The following EML2 variants were observed in gnomAD, a reference collection of about 807,000 sequenced individuals.
EML2 encodes EMAP like 2.
In EML2, 59 loss-of-function variants were observed where a neutral mutation model predicts 84.7. That is an observed-to-expected ratio of 0.70 (90% CI 0.56 to 0.86). The LOEUF (loss-of-function observed/expected upper bound fraction) is 0.86, where lower values mean the gene tolerates loss of function less well. Ranked by LOEUF, EML2 falls within the 40% of genes least tolerant of loss-of-function variation. The pLI, the probability that EML2 is intolerant of heterozygous loss-of-function variation, is 0.00. For missense variants in EML2, 818 were observed against 855.6 expected (o/e 0.96, Z 0.55); for synonymous variants, 352 against 348.9 (o/e 1.01, Z -0.10).
upstream of EML2, chr19:45,639,542 G>A (rs1974206155): frequency 5.2e-6 from 3 of 580,400 alleles, no homozygotes; most frequent in South Asian, 1.8e-4. Context: ...GTGGACTCCC[G>A]ATCCCAGGTT....
upstream of EML2, chr19:45,643,611 C>T (rs547152899): frequency 9.1e-6 from 14 of 1,536,134 alleles, no homozygotes; most frequent in South Asian, 1.7e-4. Flanking sequence ...CCAAGGAAGC[C>T]CTGGTTCCCA....
chr19:45,632,634 C>T (rs1973189412), intron 6 of EML2: 1 of 533,654 alleles, frequency 1.9e-6, no homozygotes, highest in South Asian at 2.1e-5. Flanking sequence ...GGGCAAGGAC[C>T]AGCTGGGCCC....
At chr19:45,621,161 G>A (rs751912324) in intron 11 of EML2, 46 bp downstream of exon 11, 1 of 1,602,106 alleles carries the variant, frequency 6.2e-7, no homozygotes, top group Non-Finnish European at 8.5e-7. Flanking sequence ...GGAAGGCCAG[G>A]GAAAGAGCTG....
rs1415828776 is a variant in EML2 at position 45,613,549 on chromosome 19, G to T, written c.1816C>A (p.Gln606Lys). 1.9e-6 allele frequency: 3 copies of T among 1,613,996 alleles called. No individual in the cohort carries two copies. Among genetic ancestry groups the T allele is most frequent in the Non-Finnish European group, 2.5e-6 (3 of 1,179,962 alleles). Reference sequence around the variant, plus strand: ...CTCCCCAAGGGACTCACTCGAGGCTGACAGCAGGGGTAGCTAAACAGGTGA... The same window carrying T: ...CTCCCCAAGGGACTCACTCGAGGCTTACAGCAGGGGTAGCTAAACAGGTGA... Reference protein sequence around the residue: ...KVHLFSYPCCQPRALSHKYGG... With the variant: ...KVHLFSYPCCKPRALSHKYGG... Residue 606 changes from glutamine to lysine, a missense_variant, in exon 18 of 19, where the codon CAG (glutamine) becomes AAG (lysine). Physicochemically the swap from Gln to Lys is moderately conservative, Grantham distance 53. Transcript: ENST00000245925.
At chr19:45,625,569 C>T (rs904602356) in intron 8 of EML2, among the ~76,000 whole-genome samples, 4 of 152,096 alleles carry the variant, frequency 2.6e-5, no homozygotes, top group Admixed American at 6.6e-5. Flanking sequence ...CCCCTCCTGT[C>T]GGCGCCTCAT....
chr19:45,634,518 G>A (rs749051449), intron 3 of EML2, 47 bp from the exon 4 acceptor site: 2 of 1,363,858 alleles, frequency 1.5e-6, no homozygotes, highest in Admixed American at 6.1e-5. Context: ...TGTTGTTGTT[G>A]TTTGTTTGTT....
chr19:45,644,815 A>C, upstream of EML2: 2 of 456,186 alleles, frequency 4.4e-6, no homozygotes, highest in Non-Finnish European at 8.8e-6. Context: ...TTTGGGAGGT[A>C]TCCTAGAAGC....
chr19:45,628,092 C>T (rs1270996816), intron 7 of EML2, among the ~76,000 whole-genome samples: 1 of 148,980 alleles, frequency 6.7e-6, no homozygotes, highest in Non-Finnish European at 1.5e-5. Flanking sequence ...TCAGAGAGGG[C>T]CGGGTGTAGT....
upstream of EML2, chr19:45,642,404 C>T (rs1974623049): frequency 4.0e-6 from 6 of 1,507,966 alleles, no homozygotes; most frequent in Non-Finnish European, 5.3e-6. Flanking sequence ...CTCCAGTGCC[C>T]AAGGGGTCCC....
At position 45,634,355 on chromosome 19, in the gene EML2, C is replaced by G; in HGVS notation, c.296G>C (p.Arg99Pro). The change falls in exon 4 of 19, where the codon CGA becomes CCA. Residue 99 changes from arginine (R) to proline (P), a missense_variant. Arg to Pro is a moderately radical substitution (Grantham distance 103). Coordinates refer to ENST00000245925, the MANE Select transcript of EML2 (RefSeq NM_012155.4). Reference protein sequence around the residue: ...VLYSVEEQRQRHYLGHNDDIK... With the variant: ...VLYSVEEQRQPHYLGHNDDIK... ...GTCATCGTTGTGTCCCAGGTAGTGT[C>G]GCTGCCTCTGCTCCTCCACGCTGTA... 6.2e-7 allele frequency: 1 copy of G among 1,613,898 alleles called. No individual in the cohort carries two copies.
At chr19:45,623,365 C>G (rs1239033061) in intron 9 of EML2, 1 of 151,414 alleles carries the variant, frequency 6.6e-6, no homozygotes, top group Non-Finnish European at 1.5e-5. Flanking sequence ...GAGACCTCAT[C>G]TCTACAACAA....
upstream of EML2, chr19:45,643,784 C>T (rs368028910): frequency 1.4e-6 from 2 of 1,474,504 alleles, no homozygotes; most frequent in African/African-American, 2.8e-5. Context: ...CGAGGCTTGC[C>T]CGCCCTGCCC....
chr19:45,643,798 A>G, upstream of EML2: 2 of 1,458,010 alleles, frequency 1.4e-6, no homozygotes, highest in Non-Finnish European at 1.8e-6. Context: ...CCTGCCCCCC[A>G]CTCAGCGCCT....
upstream of EML2, chr19:45,641,519 C>G: frequency 1.0e-6 from 1 of 974,908 alleles, no homozygotes; most frequent in Non-Finnish European, 1.5e-6. Context: ...CTGGCACCGT[C>G]CCCGCTTTTG....
intron 9 of EML2, among the ~76,000 whole-genome samples, 195 bp downstream of exon 9, chr19:45,624,524 C>T (rs1020502306): frequency 6.6e-6 from 1 of 152,046 alleles, no homozygotes; most frequent in Non-Finnish European, 1.5e-5. Context: ...CAAGGGATTT[C>T]CAGAGGGCAA....
At chr19:45,641,538 G>C, upstream of EML2, 2 of 1,147,504 alleles carry the variant, frequency 1.7e-6, no homozygotes, top group Non-Finnish European at 2.5e-6. Context: ...TGAACTAGCT[G>C]GCCCCACTCT....
upstream of EML2, chr19:45,642,473 TG>T (rs1974638508): frequency 6.9e-7 from 1 of 1,442,956 alleles, no homozygotes; most frequent in African/African-American, 1.4e-5. Context: ...TCCCGCTACC[TG>T]GGGCTGGGAC....
chr19:45,643,150 C>G (rs190275317), upstream of EML2, among the ~76,000 whole-genome samples: 46 of 152,340 alleles, frequency 3.0e-4, no homozygotes, highest in African/African-American at 1.1e-3. Flanking sequence ...GACGAAGATT[C>G]TGTTATGAAT....
In EML2 at chr19:45,621,581, G is replaced by A; in HGVS notation, c.898C>T (p.Leu300Phe). 6.2e-7 allele frequency: 1 copy of A among 1,611,816 alleles called. No individual in the cohort carries two copies. The highest frequency in any genetic ancestry group is 8.5e-7 in the Non-Finnish European group (1 of 1,179,866). ...AGCGTCCCGTCCCGCAGGGCGCAGA[G>A]CCCAAACACGCCGCCGTCGTGGGCG... is the stretch of plus-strand genomic sequence containing the variant. The part of the protein sequence containing the change: ...LGAHDGGVFG[L>F]CALRDGTLVS... Residue 300 changes from leucine to phenylalanine, a missense_variant, in exon 10 of 19, where the codon CTC becomes TTC. By Grantham distance (22) the Leu-to-Phe change is conservative (BLOSUM62 0). Coordinates refer to ENST00000245925, the MANE Select transcript of EML2 (RefSeq NM_012155.4).
Sources: gnomAD v4.1 joint callset for allele counts (sites outside exome capture counted in the v4.1 genomes callset) on GRCh38, gnomAD v4.1.1 for gene constraint, MANE v1.5 for transcripts, NCBI Gene and HGNC (gene_info 2026-07-23, HGNC 2026-07-21) for gene names.